Variants in KCND2 observed in about 807,000 individuals in gnomAD.
KCND2 encodes the protein potassium voltage-gated channel subfamily D member 2, also known as A-type voltage-gated potassium channel KCND2.
In KCND2, 16 loss-of-function variants were observed where a neutral mutation model predicts 54.4. The ratio of observed to expected loss-of-function variants is 0.29; its 90% confidence interval spans 0.20 to 0.45. KCND2 has a LOEUF of 0.45. Ranked by LOEUF, KCND2 falls within the 20% of genes least tolerant of loss-of-function variation. KCND2 has a pLI of 1.00. For missense variants in KCND2, 486 were observed against 824.2 expected (o/e 0.59, Z 5.02); for synonymous variants, 317 against 310.7 (o/e 1.02, Z -0.21).
At chr7:120,387,722 A>G (rs1801010730) in intron 1 of KCND2, among the ~76,000 whole-genome samples, 1 of 152,026 alleles carries the variant, frequency 6.6e-6, no homozygotes, top group Non-Finnish European at 1.5e-5. Context: ...TTTTTCTTCC[A>G]CAATTGAGAA....
intron 1 of KCND2, among the ~76,000 whole-genome samples, chr7:120,302,270 G>A (rs1283402481): frequency 6.6e-6 from 1 of 151,998 alleles, no homozygotes; most frequent in African/African-American, 2.4e-5. Flanking sequence ...TTTGTTTGTT[G>A]TTGTTGTTTG....
At chr7:120,508,061 T>C (rs1803055169) in intron 1 of KCND2, among the ~76,000 whole-genome samples, 2 of 151,848 alleles carry the variant, frequency 1.3e-5, no homozygotes, top group Admixed American at 1.3e-4. Context: ...GCTTTTTTTT[T>C]CTTTATTAGC....
chr7:120,709,709 A>G (rs1361172171), intron 1 of KCND2, among the ~76,000 whole-genome samples: 1 of 152,154 alleles, frequency 6.6e-6, no homozygotes, highest in African/African-American at 2.4e-5. Context: ...AGCTAATTCT[A>G]GTTCAAGAAG....
At chr7:120,694,956 A>T (rs1467101631) in intron 1 of KCND2, among the ~76,000 whole-genome samples, 3 of 152,106 alleles carry the variant, frequency 2.0e-5, no homozygotes, top group Non-Finnish European at 4.4e-5. Flanking sequence ...TTACTGTAGC[A>T]CTTTTGGTCT....
chr7:120,742,673 T>G lies in KCND2; in HGVS notation c.1467+71T>G, dbSNP rs140098596. ...TCCATTTGCTTTTGTGCATACTTAATGCTTCCGAGTGTGATTTCACTGTCT... is the reference window on the plus strand; with the variant it reads ...TCCATTTGCTTTTGTGCATACTTAAGGCTTCCGAGTGTGATTTCACTGTCT... On this transcript the variant is annotated intron_variant, in intron 4 of 5. Transcript: ENST00000331113. 436 of 1,142,704 alleles carry G rather than the reference T, an allele frequency of 3.8e-4. 1 individual carries two copies. In the East Asian group the frequency reaches 9.7e-3, roughly 26 times the overall value. 70.8% of individuals were successfully genotyped at this position (1,142,704 alleles called of 1,614,324 possible).
At chr7:120,549,884 A>T (rs1215321841) in intron 1 of KCND2, among the ~76,000 whole-genome samples, 1 of 152,266 alleles carries the variant, frequency 6.6e-6, no homozygotes, top group East Asian at 1.9e-4. Flanking sequence ...AACCTCAGCT[A>T]TTGTAGGTGC....
At chr7:120,528,059 C>T (rs1475876572) in intron 1 of KCND2, among the ~76,000 whole-genome samples, 1 of 152,054 alleles carries the variant, frequency 6.6e-6, no homozygotes, top group Non-Finnish European at 1.5e-5. Flanking sequence ...TACAACAATT[C>T]ATATATAGTT....
chr7:120,324,313 A>G (rs1247044016), intron 1 of KCND2, among the ~76,000 whole-genome samples: 138 of 148,568 alleles, frequency 9.3e-4, no homozygotes, highest in African/African-American at 3.1e-3. Flanking sequence ...ATTAGATCCC[A>G]TTTGTCAATT....
intron 1 of KCND2, among the ~76,000 whole-genome samples, chr7:120,313,091 T>C (rs1393621455): frequency 1.3e-5 from 2 of 152,162 alleles, no homozygotes; most frequent in African/African-American, 4.8e-5. Context: ...ATTAACCCCA[T>C]GGCGCCCATG....
At chr7:120,426,936 G>T (rs548648349) in intron 1 of KCND2, among the ~76,000 whole-genome samples, 102 of 152,084 alleles carry the variant, frequency 6.7e-4, no homozygotes, top group Non-Finnish European at 1.3e-3. Context: ...ACTTTTTATT[G>T]GCAAGTTTCC....
At chr7:120,318,297 A>G (rs1799843378) in intron 1 of KCND2, among the ~76,000 whole-genome samples, 1 of 152,138 alleles carries the variant, frequency 6.6e-6, no homozygotes, top group Non-Finnish European at 1.5e-5. Flanking sequence ...GTGATGCCAT[A>G]GGAAGCAAAG....
At position 120,464,011 on chromosome 7, in the gene KCND2, A is replaced by T. The variant is rs980784536; in HGVS notation, c.1115+188264A>T. 4.4e-6 allele frequency: 4 copies of T among 913,880 alleles called. No homozygotes were observed. In the South Asian group the frequency reaches 2.0e-4, roughly 47 times the overall value. 56.6% of individuals were successfully genotyped at this position (913,880 alleles called of 1,614,324 possible). On this transcript the variant is annotated intron_variant, in intron 1 of 5. Transcript: ENST00000331113. ...ACATTGGATAAATAAAATGTTTCTTAGTTTTGTTTTTTTTTTTTTTTCTTG... is the reference window on the plus strand; with the variant it reads ...ACATTGGATAAATAAAATGTTTCTTTGTTTTGTTTTTTTTTTTTTTTCTTG...
intron 1 of KCND2, among the ~76,000 whole-genome samples, chr7:120,276,408 C>G (rs1799175367): frequency 6.6e-6 from 1 of 152,036 alleles, no homozygotes; most frequent in Admixed American, 6.5e-5. Context: ...CAACATATTT[C>G]AAGCTCTAGG....
At chr7:120,353,950 A>G (rs2116389215) in intron 1 of KCND2, among the ~76,000 whole-genome samples, 1 of 152,264 alleles carries the variant, frequency 6.6e-6, no homozygotes, top group African/African-American at 2.4e-5. Context: ...GGATGCAGCA[A>G]AAGTTATTAA....
chr7:120,634,920 C>G (rs1349059445), intron 1 of KCND2, among the ~76,000 whole-genome samples: 1 of 152,140 alleles, frequency 6.6e-6, no homozygotes, highest in Non-Finnish European at 1.5e-5. Flanking sequence ...CAAGGTTCTG[C>G]CTCACACCAC....
intron 1 of KCND2, among the ~76,000 whole-genome samples, chr7:120,651,381 G>A (rs1173617842): frequency 6.6e-6 from 1 of 152,148 alleles, no homozygotes; most frequent in Admixed American, 6.5e-5. Flanking sequence ...TGCCAGCAAT[G>A]AGTGAGGCTC....
intron 1 of KCND2, among the ~76,000 whole-genome samples, chr7:120,463,792 A>G (rs1034868831): frequency 6.6e-6 from 1 of 152,122 alleles, no homozygotes; most frequent in Non-Finnish European, 1.5e-5. Flanking sequence ...TGGAAAAGCC[A>G]TAGGTTTGGC....
chr7:120,291,747 A>G (rs1485685019), intron 1 of KCND2, among the ~76,000 whole-genome samples: 1 of 151,758 alleles, frequency 6.6e-6, no homozygotes, highest in African/African-American at 2.4e-5. Context: ...GTTAAAAAAC[A>G]TGTTTATGTT....
chr7:120,441,579 A>C (rs1479779008), intron 1 of KCND2, among the ~76,000 whole-genome samples: 2 of 152,098 alleles, frequency 1.3e-5, no homozygotes, highest in East Asian at 3.9e-4. Flanking sequence ...ATGCCTTGTA[A>C]AAATAAATGT....
Sources: allele counts gnomAD v4.1 joint callset (sites outside exome capture counted in the v4.1 genomes callset), GRCh38; gene constraint gnomAD v4.1.1; transcripts MANE v1.5; gene names NCBI Gene and HGNC (gene_info 2026-07-23, HGNC 2026-07-21).